Variants in BEND4 observed in about 807,000 individuals in gnomAD.
BEND4 encodes the protein BEN domain containing 4.
BEND4 carries 27 observed loss-of-function variants against 54.7 expected under a neutral mutation model. The observed-to-expected ratio is 0.49, with a 90% CI of 0.36 to 0.68. The LOEUF is 0.68. Among genes scored for constraint, BEND4 ranks in the 30% least tolerant of loss-of-function variants. The pLI, the probability that BEND4 is intolerant of heterozygous loss-of-function variation, is 0.00. For synonymous variants in BEND4, 327 were observed against 299.5 expected (o/e 1.09, Z -0.95); for missense variants, 702 against 697.2 (o/e 1.01, Z -0.08).
intron 2 of BEND4, among the ~76,000 whole-genome samples, chr4:42,145,067 T>TA (rs1458261003): frequency 9.9e-5 from 15 of 152,226 alleles, no homozygotes; most frequent in Admixed American, 9.8e-4. Flanking sequence ...TAGATGCCTA[T>TA]AACTATTGTT....
At chr4:42,134,576 G>C (rs538661842) in intron 3 of BEND4, among the ~76,000 whole-genome samples, 1 of 152,182 alleles carries the variant, frequency 6.6e-6, no homozygotes, top group African/African-American at 2.4e-5. Context: ...ATGACTTTGC[G>C]TCTCTGTCCT....
Position 42,151,756 on chromosome 4 carries a change from A to T in BEND4, c.388T>A (p.Ser130Thr). ...TACCTGACGACAGCGGCGAACGAAG[A>T]CGACGAGGAGGCGGCGGGGGACGCG... Reference protein sequence around the residue: ...PPASPAASSSSSFAAVVRYGP... With the variant: ...PPASPAASSSTSFAAVVRYGP... Residue 130 changes from serine to threonine, a missense_variant, in exon 2 of 6, where the codon TCT (serine) becomes ACT (threonine). Coordinates refer to ENST00000502486, the MANE Select transcript of BEND4 (RefSeq NM_207406.4). The T allele has an allele frequency of 6.7e-7, 1 of 1,499,202 alleles. No individual in the cohort carries two copies. Among genetic ancestry groups the T allele is most frequent in the Non-Finnish European group, 8.8e-7 (1 of 1,130,530 alleles). The allele number at this position is 1,499,202 out of a possible 1,614,324, so 92.9% of individuals were successfully genotyped here.
intron 3 of BEND4, 103 bp downstream of exon 3, chr4:42,143,325 A>T: frequency 9.4e-7 from 1 of 1,059,052 alleles, no homozygotes; most frequent in Non-Finnish European, 1.4e-6. Context: ...GCCCACACAT[A>T]CATATACACA....
At chr4:42,136,167 C>T (rs1489031113) in intron 3 of BEND4, among the ~76,000 whole-genome samples, 1 of 152,194 alleles carries the variant, frequency 6.6e-6, no homozygotes, top group Non-Finnish European at 1.5e-5. Flanking sequence ...CCGACCTAAG[C>T]ATTTTCCCTC....
At chr4:42,140,523 T>C (rs995620888) in intron 3 of BEND4, among the ~76,000 whole-genome samples, 4 of 152,206 alleles carry the variant, frequency 2.6e-5, no homozygotes, top group African/African-American at 9.7e-5. Context: ...TCAACCAGTG[T>C]CAATTCAATG....
intron 2 of BEND4, among the ~76,000 whole-genome samples, chr4:42,144,640 T>C (rs6848386): frequency 0.36 from 55,477 of 152,114 alleles, 13,903 homozygotes; most frequent in African/African-American, 0.72. Flanking sequence ...TTGGACTTCT[T>C]GTCAAGGCCA....
chr4:42,139,287 T>C (rs1233525784), intron 3 of BEND4, among the ~76,000 whole-genome samples: 1 of 152,198 alleles, frequency 6.6e-6, no homozygotes, highest in Non-Finnish European at 1.5e-5. Flanking sequence ...AAAATTTGAA[T>C]TCCCTACACC....
At chr4:42,122,693 T>C (rs963110512) in intron 4 of BEND4, among the ~76,000 whole-genome samples, 2 of 152,216 alleles carry the variant, frequency 1.3e-5, no homozygotes, top group Non-Finnish European at 2.9e-5. Context: ...TAAATATTCG[T>C]CAGCCTTAAA....
chr4:42,126,813 C>A (rs1720305070), intron 3 of BEND4, among the ~76,000 whole-genome samples: 2 of 152,098 alleles, frequency 1.3e-5, no homozygotes, highest in African/African-American at 2.4e-5. Flanking sequence ...GAGTTGGAGA[C>A]CTGCCTGGGC....
At chr4:42,122,750 A>G (rs1402388878) in intron 4 of BEND4, among the ~76,000 whole-genome samples, 1 of 152,210 alleles carries the variant, frequency 6.6e-6, no homozygotes, top group Non-Finnish European at 1.5e-5. Flanking sequence ...ACACCATATA[A>G]TTTTTAAAAG....
At chr4:42,143,244 C>T (rs573075181) in intron 3 of BEND4, among the ~76,000 whole-genome samples, 184 bp downstream of exon 3, 9 of 152,248 alleles carry the variant, frequency 5.9e-5, no homozygotes, top group East Asian at 1.9e-4. Context: ...TGGCACTGGA[C>T]GGGCTGAGAA....
intron 3 of BEND4, among the ~76,000 whole-genome samples, chr4:42,130,053 G>A (rs1467351518): frequency 6.6e-6 from 1 of 152,090 alleles, no homozygotes; most frequent in East Asian, 1.9e-4. Context: ...AAATTCATAA[G>A]AGAAAAACAA....
At chr4:42,123,694 G>GAAAAAAAAAAACAAAA (rs1553921966) in intron 4 of BEND4, among the ~76,000 whole-genome samples, 129 of 50,710 alleles carry the variant, frequency 2.5e-3, no homozygotes, top group Non-Finnish European at 4.3e-3. Context: ...CTGTAATTCA[G>GAAAAAAAAAAACAAAA]AAAAAAAAAA....
chr4:42,145,504 C>T (rs560505787), intron 2 of BEND4, among the ~76,000 whole-genome samples: 10 of 152,014 alleles, frequency 6.6e-5, no homozygotes, highest in South Asian at 6.2e-4. Flanking sequence ...CCATCCTGGC[C>T]AACACGGTGA....
In BEND4 at chr4:42,117,407, G is replaced by A; in HGVS notation, c.*111C>T. Reference sequence around the variant, plus strand: ...TTTGGGTACTGTGGCAGCTGAGAATGTGTAGACTATGGCAGAATGACAGGC... The same window carrying A: ...TTTGGGTACTGTGGCAGCTGAGAATATGTAGACTATGGCAGAATGACAGGC... On this transcript the variant is annotated 3_prime_UTR_variant, in exon 6 of 6. Coordinates refer to ENST00000502486, the MANE Select transcript of BEND4 (RefSeq NM_207406.4). 2 of 766,004 alleles carry A rather than the reference G, an allele frequency of 2.6e-6. No individual in the cohort carries two copies. Among genetic ancestry groups the A allele is most frequent in the South Asian group, 3.7e-5 (2 of 54,508 alleles). The allele number at this position is 766,004 out of a possible 1,614,324, so 47.5% of individuals were successfully genotyped here.
Position 42,152,385 on chromosome 4 carries a change from AG to A in BEND4, c.-233-10del. 3.4e-6 allele frequency: 1 copy of A among 293,288 alleles called. No homozygotes were observed. The highest frequency in any genetic ancestry group is 6.3e-6 in the Non-Finnish European group (1 of 158,934). 18.2% of individuals were successfully genotyped at this position (293,288 alleles called of 1,614,324 possible). Reference sequence around the variant, plus strand: ...GGCTGCCTCGCCAATGCCTGGAGGGAGAAAGGAGGTAAAGAGCAAGTGTTTA... The same window carrying A: ...GGCTGCCTCGCCAATGCCTGGAGGGAAAAGGAGGTAAAGAGCAAGTGTTTA... On this transcript the variant is annotated splice_polypyrimidine_tract_variant and intron_variant, in intron 1 of 5. Transcript: ENST00000502486.
At chr4:42,150,344 C>T (rs189651014) in intron 2 of BEND4, among the ~76,000 whole-genome samples, 1 of 127,488 alleles carries the variant, frequency 7.8e-6, no homozygotes, top group Non-Finnish European at 1.5e-5. Flanking sequence ...CACCTAAGAA[C>T]CCCACTGAAA....
intron 3 of BEND4, among the ~76,000 whole-genome samples, chr4:42,131,315 A>G (rs539885094): frequency 6.6e-6 from 1 of 152,358 alleles, no homozygotes; most frequent in South Asian, 2.1e-4. Context: ...CATGTTAAAT[A>G]TAATTATATG....
In BEND4 at chr4:42,143,452, T is replaced by C. The variant is rs1305322867; in HGVS notation, c.1030A>G (p.Arg344Gly). 1.3e-6 allele frequency: 2 copies of C among 1,552,110 alleles called. No individual in the cohort carries two copies. Among genetic ancestry groups the C allele is most frequent in the Non-Finnish European group, 8.7e-7 (1 of 1,147,084 alleles). ...CCTGGGATGCTCTCTAATTTCCTTC[T>C]GAGCTCTTCATTTTCTTGTTGCAGT... The part of the protein sequence containing the change: ...ISLQQENEEL[R>G]RKLESIPVPC... Residue 344 changes from arginine to glycine, a missense_variant, in exon 3 of 6, where the codon AGA (arginine) becomes GGA (glycine). By Grantham distance (125) the Arg-to-Gly change is moderately radical (BLOSUM62 -2). Transcript: ENST00000502486.
Sources: gnomAD v4.1 joint callset for allele counts (sites outside exome capture counted in the v4.1 genomes callset) on GRCh38, gnomAD v4.1.1 for gene constraint, MANE v1.5 for transcripts, NCBI Gene and HGNC (gene_info 2026-07-23, HGNC 2026-07-21) for gene names.